COL28A1: variants seen among roughly 807,000 people sequenced by gnomAD.
COL28A1 encodes the protein collagen type XXVIII alpha 1 chain, also known as collagen alpha-1(XXVIII) chain.
Under a neutral mutation model 150.2 loss-of-function variants are expected in COL28A1, and 161 were observed. The ratio of observed to expected loss-of-function variants is 1.07; its 90% CI spans 0.94 to 1.22. The LOEUF is 1.22. Ranked by LOEUF, COL28A1 falls within the 50% of genes most tolerant of loss-of-function variation. COL28A1 has a pLI of 0.00. For synonymous variants in COL28A1, 552 were observed against 469.7 expected (o/e 1.18, Z -2.26); for missense variants, 1,617 against 1,388.3 (o/e 1.16, Z -2.62).
intron 30 of COL28A1, among the ~76,000 whole-genome samples, chr7:7,379,733 C>T (rs1323968451): frequency 6.6e-6 from 1 of 152,196 alleles, no homozygotes; most frequent in African/African-American, 2.4e-5. Flanking sequence ...CAGGTATAAA[C>T]CTACAGGGAA....
At chr7:7,404,801 G>C (rs1410993510) in intron 27 of COL28A1, among the ~76,000 whole-genome samples, 1 of 151,934 alleles carries the variant, frequency 6.6e-6, no homozygotes, top group Non-Finnish European at 1.5e-5. Flanking sequence ...TCTCATTTTT[G>C]TCTCTTTTGC....
chr7:7,541,623 T>C, the COL28A1 span, among the ~76,000 whole-genome samples: 1 of 152,142 alleles, frequency 6.6e-6, no homozygotes, highest in Admixed American at 6.6e-5. Flanking sequence ...AAAGACATAG[T>C]GTGAGAGTTT....
chr7:7,448,659 A>G (rs1786454000), intron 18 of COL28A1, among the ~76,000 whole-genome samples: 1 of 151,406 alleles, frequency 6.6e-6, no homozygotes, highest in Admixed American at 6.6e-5. Context: ...TATAAAATTT[A>G]TTTAAAATTT....
intron 12 of COL28A1, 46 bp from the exon 13 acceptor site, chr7:7,489,503 A>G: frequency 1.1e-6 from 1 of 900,904 alleles, no homozygotes; most frequent in Non-Finnish European, 1.9e-6. Context: ...TTTTAAATAA[A>G]GAATAAACAT....
chr7:7,382,209 G>A (rs761036229), intron 27 of COL28A1, among the ~76,000 whole-genome samples: 1 of 151,826 alleles, frequency 6.6e-6, no homozygotes, highest in Admixed American at 6.6e-5. Context: ...ATGCAGGCGG[G>A]TGAGGCAGAA....
At chr7:7,349,037 T>C in the COL28A1 span, among the ~76,000 whole-genome samples, 18,524 of 152,164 alleles carry the variant, frequency 0.12, 1,297 homozygotes, top group African/African-American at 0.18. Flanking sequence ...TGAGCCACTG[T>C]ACCCAGCTAC....
At chr7:7,517,955 T>G in intron 6 of COL28A1, 118 bp from the exon 7 acceptor site, 1 of 1,364,118 alleles carries the variant, frequency 7.3e-7, no homozygotes, top group Non-Finnish European at 1.0e-6. Flanking sequence ...TCTTTAGTCT[T>G]TCCCGTTGAC....
intron 27 of COL28A1, among the ~76,000 whole-genome samples, chr7:7,412,913 C>T (rs748208716): frequency 2.3e-4 from 35 of 152,056 alleles, no homozygotes; most frequent in Non-Finnish European, 4.6e-4. Context: ...TAGAAAAAAT[C>T]GAAACCCAGA....
Position 7,375,629 on chromosome 7 carries a change from A to G in COL28A1, c.2323-132T>C, listed in dbSNP as rs75414286. On this transcript the variant is annotated intron_variant, in intron 30 of 34. Coordinates refer to ENST00000399429, the MANE Select transcript of COL28A1 (RefSeq NM_001037763.3). ...TCCTTCCACTGCAGAAAATAAAATA[A>G]ACAACACAGAAGTCAAAAGCTGACT... The G allele has an allele frequency of 9.9e-3, 5,001 of 504,626 alleles. 221 individuals are homozygous for G. The highest frequency in any genetic ancestry group is 0.088 in the African/African-American group (4,527 of 51,190). The allele number at this position is 504,626 out of a possible 1,614,324, so 31.3% of individuals were successfully genotyped here.
intron 26 of COL28A1, among the ~76,000 whole-genome samples, chr7:7,419,494 T>C (rs1323588519): frequency 5.9e-5 from 9 of 152,174 alleles, no homozygotes. Flanking sequence ...ACCCTTGTAC[T>C]GACACCCTGC....
intron 18 of COL28A1, 44 bp from the exon 19 acceptor site, chr7:7,444,533 C>G (rs767369983): frequency 6.3e-7 from 1 of 1,584,712 alleles, no homozygotes; most frequent in African/African-American, 1.3e-5. Context: ...GTTCATACCT[C>G]CATTCTGAGG....
intron 9 of COL28A1, among the ~76,000 whole-genome samples, chr7:7,508,151 G>A (rs867842124): frequency 4.0e-5 from 6 of 151,748 alleles, no homozygotes; most frequent in African/African-American, 1.2e-4. Context: ...AGAATAGCGT[G>A]AACCCGGGAG....
the COL28A1 span, among the ~76,000 whole-genome samples, chr7:7,349,606 G>T: frequency 6.6e-6 from 1 of 152,104 alleles, no homozygotes; most frequent in Admixed American, 6.6e-5. Context: ...GCCAGGCTCT[G>T]ACTTGGTGTC....
intron 25 of COL28A1, among the ~76,000 whole-genome samples, chr7:7,424,179 C>T (rs757333666): frequency 3.2e-4 from 49 of 152,160 alleles, no homozygotes; most frequent in Non-Finnish European, 1.8e-4. Flanking sequence ...GTCTGTAACA[C>T]GGCATGAGAG....
chr7:7,538,239 G>A (rs906462595), upstream of COL28A1, among the ~76,000 whole-genome samples: 20 of 152,164 alleles, frequency 1.3e-4, no homozygotes. Context: ...CCAACAGATG[G>A]TCTTGAATTA....
intron 12 of COL28A1, among the ~76,000 whole-genome samples, chr7:7,490,098 C>G (rs551242208): frequency 7.9e-5 from 12 of 152,336 alleles, no homozygotes; most frequent in African/African-American, 2.9e-4. Flanking sequence ...ATATGTCCTG[C>G]ATAATGTACA....
intron 27 of COL28A1, among the ~76,000 whole-genome samples, chr7:7,405,826 T>C (rs1783459620): frequency 2.0e-5 from 3 of 152,160 alleles, no homozygotes; most frequent in Non-Finnish European, 2.9e-5. Context: ...TGACAGGCAA[T>C]GATGGAGTAA....
chr7:7,365,372 A>G (rs1247762199), intron 33 of COL28A1, among the ~76,000 whole-genome samples: 1 of 144,542 alleles, frequency 6.9e-6, no homozygotes, highest in Non-Finnish European at 1.6e-5. Flanking sequence ...GGGACACCAT[A>G]GTAAAAGGCA....
intron 33 of COL28A1, among the ~76,000 whole-genome samples, chr7:7,367,890 T>C (rs899958101): frequency 2.6e-5 from 4 of 151,696 alleles, no homozygotes; most frequent in Non-Finnish European, 4.4e-5. Context: ...CTCATCTCCA[T>C]GCTAGAAACC....
Sources: gnomAD v4.1 joint callset for allele counts (sites outside exome capture counted in the v4.1 genomes callset) on GRCh38, gnomAD v4.1.1 for gene constraint, MANE v1.5 for transcripts, NCBI Gene and HGNC (gene_info 2026-07-23, HGNC 2026-07-21) for gene names.